Variants in SMTNL1 observed in about 807,000 individuals in gnomAD.
SMTNL1 encodes smoothelin like 1, also known as smoothelin-like protein 1.
Under a neutral mutation model 46.6 loss-of-function variants are expected in SMTNL1, and 41 were observed. The ratio of observed to expected loss-of-function variants is 0.88; its 90% confidence interval spans 0.69 to 1.14. The LOEUF is 1.14. SMTNL1 is among the 50% of genes most tolerant of loss of function. The probability of loss-of-function intolerance (pLI) is 0.00; values close to 1 mark genes in which losing one functional copy is unlikely to be tolerated. For missense variants in SMTNL1, 591 were observed against 626.1 expected, an observed-to-expected ratio of 0.94 and a Z score of 0.60; for synonymous variants, 234 against 234.2, an observed-to-expected ratio of 1.00 and a Z score of 0.01.
chr11:57,546,742 A>T, intron 7 of SMTNL1, 90 bp downstream of exon 7: 1 of 1,444,762 alleles, frequency 6.9e-7, no homozygotes, highest in East Asian at 2.5e-5. Flanking sequence ...AGTTACACCG[A>T]TGCTGGTGCC....
chr11:57,543,479 G>T, intron 2 of SMTNL1, 105 bp downstream of exon 2: 1 of 1,522,574 alleles, frequency 6.6e-7, no homozygotes, highest in South Asian at 1.3e-5. Context: ...TCCTCCTGAT[G>T]ATTTCCAGAG....
intron 1 of SMTNL1, among the ~76,000 whole-genome samples, chr11:57,541,950 T>G (rs1944880533): frequency 6.6e-6 from 1 of 151,936 alleles, no homozygotes; most frequent in Admixed American, 6.6e-5. Flanking sequence ...AGAGTAGCAA[T>G]TGTTCCATAG....
At chr11:57,538,102 C>T (rs149071686) in intron 1 of SMTNL1, among the ~76,000 whole-genome samples, 358 of 152,098 alleles carry the variant, frequency 2.4e-3, no homozygotes, top group African/African-American at 8.2e-3. Flanking sequence ...TACATGTGGC[C>T]CAAGACACTT....
At chr11:57,539,426 A>C (rs1011538634) in intron 1 of SMTNL1, among the ~76,000 whole-genome samples, 2 of 152,178 alleles carry the variant, frequency 1.3e-5, no homozygotes, top group Admixed American at 6.5e-5. Flanking sequence ...TGAGGTATAA[A>C]AAGGGCTTGT....
intron 7 of SMTNL1, among the ~76,000 whole-genome samples, chr11:57,549,466 A>T (rs1177848825): frequency 1.3e-5 from 2 of 152,186 alleles, no homozygotes; most frequent in African/African-American, 4.8e-5. Flanking sequence ...CAATAAGTGC[A>T]ATGAAAATGT....
chr11:57,544,211 C>A (rs1264685588), intron 4 of SMTNL1, among the ~76,000 whole-genome samples: 1 of 152,212 alleles, frequency 6.6e-6, no homozygotes, highest in Non-Finnish European at 1.5e-5. Context: ...GAAACCCTGT[C>A]TCTACCAAAA....
rs370016574 is a variant in SMTNL1 at position 57,546,532 on chromosome 11, G to A, written c.1220G>A (p.Trp407Ter). The change falls in exon 7 of 8, where the codon TGG becomes TAG. Residue 407 changes from tryptophan (W) to a stop codon, truncating the protein, a stop_gained. Transcript: ENST00000527972. LOFTEE classifies it high-confidence loss of function. ...GACATCCAGAACTTCTCCTCCAGCT[G>A]GAGCAGTGGTATGGCCTTCTGTGCC... ...HVDIQNFSSSWSSGMAFCALI... is the reference protein window; with the variant it reads ...HVDIQNFSSS 13 of 1,614,202 alleles carry A rather than the reference G, an allele frequency of 8.1e-6. No individual in the cohort carries two copies. The highest frequency in any genetic ancestry group is 1.1e-5 in the Non-Finnish European group (13 of 1,180,018).
intron 5 of SMTNL1, 41 bp downstream of exon 5, chr11:57,546,077 G>T: frequency 6.5e-7 from 1 of 1,539,640 alleles, no homozygotes; most frequent in Non-Finnish European, 8.7e-7. Flanking sequence ...TTTCCCATAG[G>T]AACCCTGGGT....
intron 1 of SMTNL1, among the ~76,000 whole-genome samples, chr11:57,538,246 G>A (rs977806415): frequency 6.6e-6 from 1 of 152,214 alleles, no homozygotes; most frequent in Admixed American, 6.5e-5. Flanking sequence ...CCAGATGACA[G>A]ATGAGGCTGC....
Position 57,549,997 on chromosome 11 carries a change from A to G in SMTNL1, c.1370A>G (p.Asp457Gly), listed in dbSNP as rs1218618418. The G allele has an allele frequency of 6.2e-7, 1 of 1,613,924 alleles. No homozygotes were observed. ...EKLADCAQLL[D>G]VDDMVRLAVP... ...CTGGCTGACTGTGCTCAGCTGCTGG[A>G]CGTGGATGACATGGTGCGGTTGGCT... Residue 457 changes from aspartate to glycine, a missense_variant, in exon 8 of 8, where the codon GAC becomes GGC. Asp to Gly is a moderately conservative substitution (Grantham distance 94). Transcript: ENST00000527972.
At position 57,545,996 on chromosome 11, in the gene SMTNL1, C is replaced by T. The variant is rs12223229; in HGVS notation, c.1033C>T (p.Arg345Trp). ...AGCCCCTGCTCGGCCCCGGGGGCCC[C>T]GGGCACAGAACCGCAAAGCCATCGT... ...VSAPARPRGP[R>W]AQNRKAIVDK... Residue 345 changes from arginine (R) to tryptophan (W), a missense_variant, in exon 5 of 8, where the codon CGG becomes TGG. Arg to Trp is a moderately radical substitution (Grantham distance 101). Transcript: ENST00000527972. The T allele has an allele frequency of 6.8e-5, 109 of 1,602,588 alleles. No individual in the cohort carries two copies. In the East Asian group the frequency reaches 2.1e-3, roughly 31 times the overall value.
rs1944893068 is a variant in SMTNL1, at chr11:57,543,106, A to G, written c.464A>G (p.Asn155Ser). The G allele has an allele frequency of 1.2e-6, 2 of 1,612,434 alleles. No individual in the cohort carries two copies. The highest frequency in any genetic ancestry group is 2.2e-5 in the South Asian group (2 of 90,836). Residue 155 changes from asparagine to serine, a missense_variant, in exon 2 of 8, where the codon AAT becomes AGT. Physicochemically the swap from Asn to Ser is conservative, Grantham distance 46. Transcript: ENST00000527972. ...GAATCTGGGCAGAAAGCCGATGCCA[A>G]TGACAGAGACAAGCCTGAACCTAAG... Reference protein sequence around the residue: ...KPESGQKADANDRDKPEPKAT... With the variant: ...KPESGQKADASDRDKPEPKAT...
In SMTNL1 at chr11:57,543,179, A is replaced by G. The variant is rs750451135; in HGVS notation, c.537A>G (p.Thr179=). The change falls in exon 2 of 8, where the codon ACA becomes ACG. Residue 179 remains threonine, a synonymous_variant. Coordinates refer to ENST00000527972, the MANE Select transcript of SMTNL1 (RefSeq NM_001105565.3). ...EDAKTASQEE[T]GQRKECSTEP... is the part of the protein sequence containing the mutation. ...CCAAGACAGCCTCTCAGGAGGAGAC[A>G]GGCCAGAGGAAAGAGTGCAGCACTG... The G allele has an allele frequency of 4.3e-6, 7 of 1,613,836 alleles. No homozygotes were observed. In the East Asian group the frequency reaches 1.3e-4, roughly 31 times the overall value.
intron 1 of SMTNL1, among the ~76,000 whole-genome samples, chr11:57,539,463 T>C (rs1002516496): frequency 1.3e-5 from 2 of 152,240 alleles, no homozygotes; most frequent in African/African-American, 4.8e-5. Context: ...TTCAGTTCTC[T>C]CTGCCTTGAC....
At chr11:57,549,475 G>T (rs1421880881) in intron 7 of SMTNL1, among the ~76,000 whole-genome samples, 1 of 152,322 alleles carries the variant, frequency 6.6e-6, no homozygotes, top group East Asian at 1.9e-4. Context: ...CAATGAAAAT[G>T]TGGGCTTGGA....
rs759733193 is a variant in SMTNL1 at position 57,543,761 on chromosome 11, G to A, written c.865+5G>A. The A allele has an allele frequency of 1.9e-6, 3 of 1,557,986 alleles. No individual in the cohort carries two copies. The highest frequency in any genetic ancestry group is 2.4e-5 in the South Asian group (2 of 84,482). ...AGGGGCACAACCTCAGCACAGGTGA[G>A]TGAGAGCCCAGAGCCCATGGGATGC... On this transcript the variant is annotated splice_donor_5th_base_variant and intron_variant, in intron 3 of 7. Transcript: ENST00000527972.
At chr11:57,540,715 C>CTTT (rs370179940) in intron 1 of SMTNL1, among the ~76,000 whole-genome samples, 2 of 144,944 alleles carry the variant, frequency 1.4e-5, no homozygotes, top group Non-Finnish European at 3.0e-5. Flanking sequence ...CATCTTCCCT[C>CTTT]TTTTTTTTTT....
In SMTNL1 at chr11:57,550,192, A is replaced by G; in HGVS notation, c.*80A>G. 2.1e-6 allele frequency: 3 copies of G among 1,446,332 alleles called. No individual in the cohort carries two copies. The highest frequency in any genetic ancestry group is 2.7e-5 in the South Asian group (2 of 73,190). The allele number at this position is 1,446,332 out of a possible 1,614,324, so 89.6% of individuals were successfully genotyped here. On this transcript the variant is annotated 3_prime_UTR_variant, in exon 8 of 8. Transcript: ENST00000527972. Reference sequence around the variant, plus strand: ...CGGCCCGGGGGTTCCCTTCTGCTCCATGGAGGCACCAGAGCCAGGGGCTTA... The same window carrying G: ...CGGCCCGGGGGTTCCCTTCTGCTCCGTGGAGGCACCAGAGCCAGGGGCTTA...
At position 57,542,790 on chromosome 11, in the gene SMTNL1, T is replaced by A. The variant is rs2135262623; in HGVS notation, c.148T>A (p.Ser50Thr). 6.2e-7 allele frequency: 1 copy of A among 1,613,508 alleles called. No individual in the cohort carries two copies. Among genetic ancestry groups the A allele is most frequent in the East Asian group, 2.2e-5 (1 of 44,848 alleles). Reference sequence around the variant, plus strand: ...CATCAATGAGGGGCCTCCCACTGAGTCAGGAAAGCAGGAAAAGGCACCAGC... The same window carrying A: ...CATCAATGAGGGGCCTCCCACTGAGACAGGAAAGCAGGAAAAGGCACCAGC... ...KAINEGPPTE[S>T]GKQEKAPAED... Residue 50 changes from serine to threonine, a missense_variant, in exon 2 of 8, where the codon TCA becomes ACA. Coordinates refer to ENST00000527972, the MANE Select transcript of SMTNL1 (RefSeq NM_001105565.3).
Sources: allele counts gnomAD v4.1 joint callset (sites outside exome capture counted in the v4.1 genomes callset), GRCh38; gene constraint gnomAD v4.1.1; transcripts MANE v1.5; gene names NCBI Gene and HGNC (gene_info 2026-07-23, HGNC 2026-07-21).